BABAM2: variants seen among roughly 807,000 people sequenced by gnomAD.
BABAM2 encodes the protein BRISC and BRCA1 A complex member 2.
A neutral mutation model predicts 54.7 loss-of-function variants in BABAM2; 31 were observed. The ratio of observed to expected loss-of-function variants is 0.57; its 90% CI spans 0.43 to 0.77. BABAM2 has a LOEUF of 0.77. Among genes scored for constraint, BABAM2 ranks in the 30% least tolerant of loss-of-function variants. The pLI, the probability that BABAM2 is intolerant of heterozygous loss-of-function variation, is 0.00. For synonymous variants in BABAM2, 167 were observed against 162.9 expected (o/e 1.03, Z -0.19); for missense variants, 364 against 455.8 (o/e 0.80, Z 1.83).
At chr2:28,106,672 G>A (rs940732742) in intron 6 of BABAM2, among the ~76,000 whole-genome samples, 1 of 152,152 alleles carries the variant, frequency 6.6e-6, no homozygotes, top group Non-Finnish European at 1.5e-5. Context: ...TACTGTTGAT[G>A]TGTTCACACT....
intron 2 of BABAM2, among the ~76,000 whole-genome samples, chr2:27,926,140 T>G (rs1401718693): frequency 6.6e-6 from 1 of 151,586 alleles, no homozygotes; most frequent in African/African-American, 2.4e-5. Flanking sequence ...TTTAAAAACA[T>G]AGATGTTTTT....
At chr2:28,072,997 G>A (rs1664309207) in intron 6 of BABAM2, among the ~76,000 whole-genome samples, 2 of 152,056 alleles carry the variant, frequency 1.3e-5, no homozygotes, top group Admixed American at 1.3e-4. Flanking sequence ...AAATACTTTA[G>A]CTCCTGTTCA....
intron 5 of BABAM2, among the ~76,000 whole-genome samples, chr2:28,028,091 A>G (rs1351945159): frequency 2.0e-5 from 3 of 152,128 alleles, no homozygotes; most frequent in African/African-American, 7.2e-5. Flanking sequence ...TCAAGGCTCG[A>G]CTGGAGATGG....
chr2:28,009,845 T>G (rs1460771473), intron 4 of BABAM2, among the ~76,000 whole-genome samples: 2 of 152,088 alleles, frequency 1.3e-5, no homozygotes, highest in East Asian at 3.9e-4. Context: ...GCAAAAGATG[T>G]AAAGGTTTAC....
chr2:28,276,990 G>A (rs574725697), intron 10 of BABAM2, among the ~76,000 whole-genome samples: 1 of 152,256 alleles, frequency 6.6e-6, no homozygotes, highest in African/African-American at 2.4e-5. Flanking sequence ...GAGGCGCAGG[G>A]CTCTGCTGGC....
intron 4 of BABAM2, among the ~76,000 whole-genome samples, chr2:28,019,534 T>G (rs1207105651): frequency 6.6e-6 from 1 of 152,214 alleles, no homozygotes; most frequent in African/African-American, 2.4e-5. Context: ...TTTGTTGCAT[T>G]TGCTTTTGGA....
At chr2:28,066,291 G>A (rs1345673655) in intron 6 of BABAM2, among the ~76,000 whole-genome samples, 1 of 151,992 alleles carries the variant, frequency 6.6e-6, no homozygotes, top group African/African-American at 2.4e-5. Flanking sequence ...TATGATAAAT[G>A]TGGTCAGTGT....
At chr2:27,975,602 C>T (rs1375140343) in intron 3 of BABAM2, among the ~76,000 whole-genome samples, 1 of 151,892 alleles carries the variant, frequency 6.6e-6, no homozygotes, top group Non-Finnish European at 1.5e-5. Context: ...CATAAAAATC[C>T]AAGAAGTAAC....
intron 11 of BABAM2, among the ~76,000 whole-genome samples, chr2:28,323,069 C>T (rs770728850): frequency 3.1e-4 from 47 of 152,202 alleles, no homozygotes; most frequent in South Asian, 6.2e-4. Context: ...GCCCCCCACT[C>T]TCATCCAGGG....
At chr2:28,067,868 C>G (rs1385275645) in intron 6 of BABAM2, among the ~76,000 whole-genome samples, 1 of 152,108 alleles carries the variant, frequency 6.6e-6, no homozygotes, top group Non-Finnish European at 1.5e-5. Flanking sequence ...TTTGTATTTT[C>G]TTGCTTTATA....
chr2:28,333,948 T>C (rs956692009), intron 11 of BABAM2, among the ~76,000 whole-genome samples: 1 of 152,226 alleles, frequency 6.6e-6, no homozygotes, highest in Non-Finnish European at 1.5e-5. Flanking sequence ...AAAAGTGAAA[T>C]AAATGAAAAC....
At chr2:28,015,902 C>T (rs1674771259) in intron 4 of BABAM2, 1 of 587,650 alleles carries the variant, frequency 1.7e-6, no homozygotes, top group Non-Finnish European at 3.1e-6. Context: ...TACTCTGATT[C>T]TGACAAGGAC....
At chr2:28,277,517 A>G (rs954919383) in intron 10 of BABAM2, among the ~76,000 whole-genome samples, 26 of 152,230 alleles carry the variant, frequency 1.7e-4, no homozygotes, top group Non-Finnish European at 3.7e-4. Flanking sequence ...CCAAAGAAAC[A>G]TGGACATGGT....
At chr2:27,985,057 A>ATG (rs35552031) in intron 3 of BABAM2, among the ~76,000 whole-genome samples, 53,322 of 137,036 alleles carry the variant, frequency 0.39, 10,232 homozygotes, top group South Asian at 0.51. Context: ...GTATTCCATG[A>ATG]TGTGTGTGTG....
intron 7 of BABAM2, among the ~76,000 whole-genome samples, chr2:28,196,905 C>A (rs1677640782): frequency 8.1e-6 from 1 of 122,804 alleles, no homozygotes. Flanking sequence ...AGTGCAGTGG[C>A]ATGATCTCAG....
In BABAM2 at chr2:28,240,746, T is replaced by C. The variant is rs115588229; in HGVS notation, c.781-577T>C. On this transcript the variant is annotated intron_variant, in intron 8 of 11. Transcript: ENST00000379624. ...TTAGCAGGGCATAGTGGCGGACTCC[T>C]ATAATCCCAGCTACTTGGGAGGCTG... Among the ~76,000 whole-genome samples the C allele has an allele frequency of 7.2e-3, 1,089 of 151,922 alleles. 8 individuals are homozygous for C. Among genetic ancestry groups the C allele is most frequent in the African/African-American group, 0.025 (1,034 of 41,396 alleles).
Position 28,190,131 on chromosome 2 carries a change from C to T in BABAM2, c.681-47071C>T, listed in dbSNP as rs181632384. On this transcript the variant is annotated intron_variant, in intron 7 of 11. Transcript: ENST00000379624. ...CTCAATCCTTACCCCATAGCATGTA[C>T]AGCATTAACTCAAAATGAATTTATA... is the stretch of plus-strand genomic sequence containing the variant. 9.2e-5 allele frequency among the ~76,000 whole-genome samples: 14 copies of T among 152,328 alleles called. No individual in the cohort carries two copies. In the East Asian group the frequency reaches 2.5e-3, roughly 27 times the overall value.
chr2:28,094,707 C>T (rs192032583), intron 6 of BABAM2, among the ~76,000 whole-genome samples: 24 of 152,010 alleles, frequency 1.6e-4, no homozygotes, highest in Non-Finnish European at 2.2e-4. Context: ...ATTCCCTTTC[C>T]GGTTCTCTAT....
At chr2:27,988,437 T>C (rs1254004516) in intron 4 of BABAM2, among the ~76,000 whole-genome samples, 2 of 152,200 alleles carry the variant, frequency 1.3e-5, no homozygotes, top group African/African-American at 4.8e-5. Flanking sequence ...AACACTTCAT[T>C]ACAGGGCTCG....
Sources: allele counts gnomAD v4.1 joint callset (sites outside exome capture counted in the v4.1 genomes callset), GRCh38; gene constraint gnomAD v4.1.1; transcripts MANE v1.5; gene names NCBI Gene and HGNC (gene_info 2026-07-23, HGNC 2026-07-21).